The following LDB2 variants were observed in gnomAD, a reference collection of about 807,000 sequenced individuals.
The protein encoded by LDB2 is LIM domain-binding protein 2.
LDB2 carries 12 observed loss-of-function variants against 44.3 expected under a neutral mutation model. The ratio of observed to expected loss-of-function variants is 0.27; its 90% CI spans 0.17 to 0.44. LDB2 has a LOEUF of 0.44. Among genes scored for constraint, LDB2 ranks in the 20% least tolerant of loss-of-function variants. LDB2 has a pLI of 1.00. For missense variants in LDB2, 344 were observed against 473.5 expected, an observed-to-expected ratio of 0.73 and a Z score of 2.54; for synonymous variants, 164 against 174.8, an observed-to-expected ratio of 0.94 and a Z score of 0.49.
chr4:16,737,018 T>C (rs917606378), intron 2 of LDB2, among the ~76,000 whole-genome samples: 1 of 152,152 alleles, frequency 6.6e-6, no homozygotes, highest in African/African-American at 2.4e-5. Flanking sequence ...ATATTTTGTA[T>C]AAGTAAGTAA....
chr4:16,754,835 T>C (rs1271771646), intron 2 of LDB2, among the ~76,000 whole-genome samples: 1 of 152,134 alleles, frequency 6.6e-6, no homozygotes, highest in Non-Finnish European at 1.5e-5. Flanking sequence ...CCCAGCCCAG[T>C]GATGGTAGTA....
intron 5 of LDB2, among the ~76,000 whole-genome samples, chr4:16,583,382 C>T (rs1023906173): frequency 1.3e-5 from 2 of 152,160 alleles, no homozygotes; most frequent in Non-Finnish European, 2.9e-5. Context: ...AAGTATCCAT[C>T]TGACCTCTTT....
chr4:16,789,975 T>C (rs1193411753), intron 1 of LDB2, among the ~76,000 whole-genome samples: 1 of 152,080 alleles, frequency 6.6e-6, no homozygotes, highest in Non-Finnish European at 1.5e-5. Flanking sequence ...ATGGGTGTGG[T>C]TATCCCCATT....
intron 5 of LDB2, among the ~76,000 whole-genome samples, chr4:16,531,019 AG>A (rs1397517001): frequency 3.9e-5 from 6 of 152,302 alleles, no homozygotes; most frequent in African/African-American, 1.4e-4. Context: ...TGTTTTCTAG[AG>A]GGGTTAAGTG....
chr4:16,865,422 A>G (rs1714354006), intron 1 of LDB2, among the ~76,000 whole-genome samples: 2 of 152,232 alleles, frequency 1.3e-5, no homozygotes, highest in South Asian at 2.1e-4. Context: ...CCCTGCGACC[A>G]GCTTGATGCA....
chr4:16,744,442 C>A (rs1691290722), intron 2 of LDB2, among the ~76,000 whole-genome samples: 1 of 151,482 alleles, frequency 6.6e-6, no homozygotes, highest in Non-Finnish European at 1.5e-5. Flanking sequence ...CAGGTGTGAG[C>A]CACTGCACCT....
intron 7 of LDB2, among the ~76,000 whole-genome samples, chr4:16,507,530 G>A (rs1325700908): frequency 1.3e-5 from 2 of 152,152 alleles, no homozygotes; most frequent in Non-Finnish European, 2.9e-5. Context: ...GAGCAAGAAG[G>A]GTGAGGGGGA....
intron 5 of LDB2, among the ~76,000 whole-genome samples, chr4:16,517,849 T>C (rs1243792476): frequency 2.0e-5 from 3 of 151,980 alleles, no homozygotes; most frequent in African/African-American, 7.3e-5. Flanking sequence ...GTATGAAATT[T>C]TGTAATCACA....
In LDB2 at chr4:16,518,484, G is replaced by GTT. The variant is rs200270859; in HGVS notation, c.616-6382_616-6381dup. Among the ~76,000 whole-genome samples the GTT allele has an allele frequency of 5.9e-3, 863 of 147,202 alleles. 10 individuals are homozygous for GTT. The highest frequency in any genetic ancestry group is 0.02 in the African/African-American group (789 of 40,094). On this transcript the variant is annotated intron_variant, in intron 5 of 7. Transcript: ENST00000304523. Reference sequence around the variant, plus strand: ...CGTTGCTCAGACCTTTGCTTGTGTTGTTTTTTTTTTCGCTTTTAAAAGGCC... The same window carrying GTT: ...CGTTGCTCAGACCTTTGCTTGTGTTGTTTTTTTTTTTTCGCTTTTAAAAGGCC...
At chr4:16,793,930 A>C (rs1776242722) in intron 1 of LDB2, among the ~76,000 whole-genome samples, 1 of 152,028 alleles carries the variant, frequency 6.6e-6, no homozygotes, top group Non-Finnish European at 1.5e-5. Context: ...CAATTAAAGC[A>C]CTTATCTGGG....
At chr4:16,546,317 A>T (rs1395046450) in intron 5 of LDB2, among the ~76,000 whole-genome samples, 3 of 152,228 alleles carry the variant, frequency 2.0e-5, no homozygotes, top group Non-Finnish European at 4.4e-5. Context: ...CAACTTCTGG[A>T]CGAATTCTAA....
intron 2 of LDB2, among the ~76,000 whole-genome samples, chr4:16,747,756 T>A (rs1374109492): frequency 6.6e-6 from 1 of 152,168 alleles, no homozygotes; most frequent in African/African-American, 2.4e-5. Context: ...AGGTGGTTGA[T>A]TTTTATCTGG....
intron 1 of LDB2, among the ~76,000 whole-genome samples, chr4:16,786,902 C>T (rs586393): frequency 0.8 from 121,687 of 151,652 alleles, 50,336 homozygotes; most frequent in Middle Eastern, 0.93. Flanking sequence ...ACCCTACCAC[C>T]GGTGGAGTTA....
At chr4:16,897,121 T>A (rs1725237753) in intron 1 of LDB2, among the ~76,000 whole-genome samples, 1 of 152,234 alleles carries the variant, frequency 6.6e-6, no homozygotes. Flanking sequence ...GTTAGCTGTA[T>A]TAAATACACG....
intron 1 of LDB2, among the ~76,000 whole-genome samples, chr4:16,790,976 AC>A (rs1188701566): frequency 6.6e-6 from 1 of 151,942 alleles, no homozygotes; most frequent in African/African-American, 2.4e-5. Context: ...CTTTCTTCAC[AC>A]CCTTTTTGCT....
intron 2 of LDB2, among the ~76,000 whole-genome samples, chr4:16,707,960 T>C (rs1447458579): frequency 6.6e-6 from 1 of 152,206 alleles, no homozygotes; most frequent in Admixed American, 6.5e-5. Context: ...GGGAAAGACT[T>C]GCGTGTGTGC....
intron 2 of LDB2, among the ~76,000 whole-genome samples, chr4:16,702,869 T>G (rs943331089): frequency 6.6e-6 from 1 of 152,178 alleles, no homozygotes; most frequent in Non-Finnish European, 1.5e-5. Context: ...CCATATTGAA[T>G]TGCTTATAGC....
chr4:16,651,219 CTT>C (rs1387089921), intron 2 of LDB2: 2 of 152,192 alleles, frequency 1.3e-5, no homozygotes, highest in Admixed American at 6.5e-5. Flanking sequence ...AGATACCTGT[CTT>C]TCAGTGGTTG....
At chr4:16,687,318 T>C (rs74690545) in intron 2 of LDB2, among the ~76,000 whole-genome samples, 2,946 of 152,226 alleles carry the variant, frequency 0.019, 82 homozygotes, top group African/African-American at 0.067. Flanking sequence ...AGTGCCCTTA[T>C]AAAAAGAGAC....
Sources: gnomAD v4.1 joint callset for allele counts (sites outside exome capture counted in the v4.1 genomes callset) on GRCh38, gnomAD v4.1.1 for gene constraint, MANE v1.5 for transcripts, NCBI Gene and HGNC (gene_info 2026-07-23, HGNC 2026-07-21) for gene names.